TRHDE: variants seen among roughly 807,000 people sequenced by gnomAD.
The protein encoded by TRHDE is thyrotropin-releasing hormone-degrading ectoenzyme.
A neutral mutation model predicts 125.7 loss-of-function variants in TRHDE; 72 were observed. That is an observed-to-expected ratio of 0.57 (90% CI 0.47 to 0.70). The LOEUF is 0.70. Among genes scored for constraint, TRHDE ranks in the 30% least tolerant of loss-of-function variants. The pLI, the probability that TRHDE is intolerant of heterozygous loss-of-function variation, is 0.00. For synonymous variants in TRHDE, 509 were observed against 509.1 expected, an observed-to-expected ratio of 1.00 and a Z score of 0.00; for missense variants, 1,110 against 1,327.1, an observed-to-expected ratio of 0.84 and a Z score of 2.54.
intron 3 of TRHDE, among the ~76,000 whole-genome samples, chr12:72,450,549 A>G (rs1875520148): frequency 6.6e-6 from 1 of 151,952 alleles, no homozygotes; most frequent in Non-Finnish European, 1.5e-5. Flanking sequence ...TCTCTTACCA[A>G]TTGTCAAGAA....
intron 2 of TRHDE, among the ~76,000 whole-genome samples, chr12:72,182,314 C>G (rs534701676): frequency 6.6e-6 from 1 of 152,112 alleles, no homozygotes; most frequent in African/African-American, 2.4e-5. Context: ...ATCTCACTTT[C>G]CTTTGTTTGA....
At chr12:72,592,642 T>C (rs1871734917) in intron 12 of TRHDE, among the ~76,000 whole-genome samples, 1 of 152,074 alleles carries the variant, frequency 6.6e-6, no homozygotes, top group Non-Finnish European at 1.5e-5. Flanking sequence ...ATGCAGTTTT[T>C]CTGTAGAGGC....
intron 2 of TRHDE, among the ~76,000 whole-genome samples, chr12:72,179,394 G>A (rs769423243): frequency 6.6e-5 from 10 of 151,978 alleles, no homozygotes; most frequent in Admixed American, 3.9e-4. Flanking sequence ...ACAAATTACC[G>A]AAGGACTAAA....
chr12:72,611,904 TG>T (rs1410755890), intron 12 of TRHDE, among the ~76,000 whole-genome samples: 1 of 152,216 alleles, frequency 6.6e-6, no homozygotes, highest in Non-Finnish European at 1.5e-5. Flanking sequence ...TTCTCTATCG[TG>T]AATACTGACA....
At chr12:72,542,719 G>C (rs1423222577) in intron 7 of TRHDE, among the ~76,000 whole-genome samples, 1 of 151,272 alleles carries the variant, frequency 6.6e-6, no homozygotes, top group East Asian at 1.9e-4. Context: ...TTCGAATTAT[G>C]TATTTGAGAA....
chr12:72,169,439 C>T (rs1161588694), intron 2 of TRHDE, among the ~76,000 whole-genome samples: 1 of 152,138 alleles, frequency 6.6e-6, no homozygotes, highest in Non-Finnish European at 1.5e-5. Flanking sequence ...CTAGACGTCT[C>T]AGATCAAGGT....
At chr12:72,447,877 T>C (rs1875376109) in intron 3 of TRHDE, among the ~76,000 whole-genome samples, 1 of 152,010 alleles carries the variant, frequency 6.6e-6, no homozygotes, top group South Asian at 2.1e-4. Flanking sequence ...TAAAGAGACT[T>C]TCTTGGCACA....
chr12:72,446,500 A>C (rs1875293496), intron 3 of TRHDE, among the ~76,000 whole-genome samples: 1 of 152,116 alleles, frequency 6.6e-6, no homozygotes, highest in Admixed American at 6.6e-5. Flanking sequence ...TCAAATTCAC[A>C]CATAACAATA....
intron 2 of TRHDE, among the ~76,000 whole-genome samples, chr12:72,242,356 T>C (rs1878499107): frequency 6.6e-6 from 1 of 152,292 alleles, no homozygotes; most frequent in Middle Eastern, 3.4e-3. Flanking sequence ...CTCTGCCACA[T>C]TTCCAACTCC....
intron 2 of TRHDE, among the ~76,000 whole-genome samples, chr12:72,299,855 T>A (rs558541687): frequency 6.6e-6 from 1 of 152,164 alleles, no homozygotes; most frequent in South Asian, 2.1e-4. Context: ...AAAAGGTAAC[T>A]TCAGTGGGAT....
intron 18 of TRHDE, among the ~76,000 whole-genome samples, chr12:72,660,194 A>C (rs1456184349): frequency 6.6e-6 from 1 of 152,224 alleles, no homozygotes; most frequent in Non-Finnish European, 1.5e-5. Context: ...GAAAGATCAA[A>C]GACTTCAAGA....
chr12:72,594,100 C>T (rs1038155660), intron 12 of TRHDE, among the ~76,000 whole-genome samples: 8 of 151,300 alleles, frequency 5.3e-5, no homozygotes, highest in African/African-American at 7.3e-5. Context: ...CACTGACTTC[C>T]ACAATGGTTG....
At chr12:72,534,445 C>T (rs1388465043) in intron 6 of TRHDE, among the ~76,000 whole-genome samples, 2 of 151,864 alleles carry the variant, frequency 1.3e-5, no homozygotes, top group Non-Finnish European at 2.9e-5. Context: ...GAGTATAGAC[C>T]ACCCAGTTTG....
intron 2 of TRHDE, chr12:72,263,422 G>C (rs530443844): frequency 7.0e-6 from 1 of 142,208 alleles, no homozygotes; most frequent in Non-Finnish European, 1.5e-5. Flanking sequence ...GTTTTGTTTT[G>C]TTTGTTTTTT....
chr12:72,372,159 T>C (rs1871628421), intron 2 of TRHDE, among the ~76,000 whole-genome samples: 1 of 152,236 alleles, frequency 6.6e-6, no homozygotes, highest in Non-Finnish European at 1.5e-5. Flanking sequence ...TGAGCATTTT[T>C]TCATGTGTCT....
At chr12:72,109,929 A>G (rs1311379804) in intron 2 of TRHDE, among the ~76,000 whole-genome samples, 1 of 152,112 alleles carries the variant, frequency 6.6e-6, no homozygotes. Context: ...GTCAGAGATG[A>G]TGGAAAAGTC....
rs1365906871 is a variant in TRHDE at position 72,515,273 on chromosome 12, A to T, written c.1722+15638A>T. Reference sequence around the variant, plus strand: ...CCACCAACAGTGTAAAAGTGTTCCTATTTCTCCACATCCTCTCCAGCACCT... The same window carrying T: ...CCACCAACAGTGTAAAAGTGTTCCTTTTTCTCCACATCCTCTCCAGCACCT... On this transcript the variant is annotated intron_variant, in intron 6 of 18. Transcript: ENST00000261180. Among the ~76,000 whole-genome samples the T allele has an allele frequency of 4.4e-4, 61 of 138,322 alleles. 2 individuals carry two copies. In the South Asian group the frequency reaches 0.013, roughly 30 times the overall value. 90.7% of individuals were successfully genotyped at this position (138,322 alleles called of 152,430 possible). A position where few individuals can be genotyped will look rare whatever the true frequency, so the allele number is the denominator to read the frequency against.
rs1307273045 is a variant in TRHDE at position 72,341,653 on chromosome 12, C to G, written c.1189-36342C>G. Among the ~76,000 whole-genome samples the G allele has an allele frequency of 6.6e-5, 10 of 152,022 alleles. No homozygotes were observed. In the East Asian group the frequency reaches 1.9e-3, roughly 30 times the overall value. ...AATTGAAAGGAGTTAAGATTAGAAG[C>G]AGAGAGAGTTCTAAAATTAGTGCAT... On this transcript the variant is annotated intron_variant, in intron 2 of 18. Transcript: ENST00000261180.
upstream of TRHDE, chr12:72,272,018 C>T: frequency 2.2e-6 from 1 of 456,976 alleles, no homozygotes; most frequent in Non-Finnish European, 4.4e-6. This position sits in a 1 kb window ranked among gnomAD's most constrained non-coding sequence, Gnocchi z 6.7. Flanking sequence ...CCTGGGACTT[C>T]CTCCTGCTGG....
Sources: gnomAD v4.1 joint callset for allele counts (sites outside exome capture counted in the v4.1 genomes callset) on GRCh38, gnomAD v4.1.1 for gene constraint, Gnocchi (gnomAD v3.1) non-coding constraint, MANE v1.5 for transcripts, NCBI Gene and HGNC (gene_info 2026-07-23, HGNC 2026-07-21) for gene names.